Variants in MAST2 observed in about 807,000 individuals in gnomAD.
MAST2 encodes microtubule associated serine/threonine kinase 2.
A neutral mutation model predicts 147.4 loss-of-function variants in MAST2; 70 were observed. The ratio of observed to expected loss-of-function variants is 0.47; its 90% CI spans 0.39 to 0.58. The LOEUF (loss-of-function observed/expected upper bound fraction) is 0.58. Ranked by LOEUF, MAST2 falls within the 20% of genes least tolerant of loss-of-function variation. MAST2 has a pLI of 0.00. For synonymous variants in MAST2, 869 were observed against 896.8 expected (o/e 0.97, Z 0.55); for missense variants, 2,080 against 2,302.3 (o/e 0.90, Z 1.98).
chr1:45,921,884 G>A (rs956289170), intron 4 of MAST2, among the ~76,000 whole-genome samples: 5 of 152,166 alleles, frequency 3.3e-5, no homozygotes, highest in Non-Finnish European at 5.9e-5. Context: ...CCTGCCATTC[G>A]GTGGGTCCCG....
intron 4 of MAST2, among the ~76,000 whole-genome samples, chr1:45,903,062 A>G (rs892053947): frequency 1.4e-5 from 2 of 143,958 alleles, no homozygotes; most frequent in African/African-American, 5.1e-5. Context: ...TTTAGCTATG[A>G]TGTTAGGTTG....
At chr1:45,979,222 A>G (rs1644298483) in intron 5 of MAST2, among the ~76,000 whole-genome samples, 1 of 152,210 alleles carries the variant, frequency 6.6e-6, no homozygotes, top group Admixed American at 6.5e-5. Context: ...TGCTTGCTAT[A>G]TAATTATATT....
chr1:45,980,621 A>G lies in MAST2; in HGVS notation c.593-17103A>G, dbSNP rs1571048374. ...ATGATCACGGCTCATTGCAGCCTCA[A>G]CCTGCTGGGCTCAAACAGTCCTCCC... On this transcript the variant is annotated intron_variant, in intron 5 of 28. Coordinates refer to ENST00000361297, the MANE Select transcript of MAST2 (RefSeq NM_015112.3). Among the ~76,000 whole-genome samples, 3 of 152,216 alleles carry G rather than the reference A, an allele frequency of 2.0e-5. 1 individual carries two copies. The Middle Eastern group carries it at 0.01, about 518-fold the overall frequency.
intron 4 of MAST2, among the ~76,000 whole-genome samples, chr1:45,928,196 T>A (rs936956174): frequency 5.3e-5 from 8 of 152,266 alleles, no homozygotes; most frequent in African/African-American, 1.9e-4. Context: ...TTTCTTTCTC[T>A]GTCTCTCTTG....
intron 3 of MAST2, among the ~76,000 whole-genome samples, chr1:45,831,022 C>A (rs1197729912): frequency 5.0e-5 from 7 of 138,668 alleles, no homozygotes; most frequent in African/African-American, 1.7e-4. Flanking sequence ...AGAGTGAGAC[C>A]TTGTCTGGAA....
At chr1:46,013,522 A>G (rs1009562517) in intron 10 of MAST2, among the ~76,000 whole-genome samples, 1 of 152,022 alleles carries the variant, frequency 6.6e-6, no homozygotes, top group Non-Finnish European at 1.5e-5. Flanking sequence ...CTCTACTAAA[A>G]ATACAAAATT....
At chr1:45,913,882 A>G (rs1324890048) in intron 4 of MAST2, 1 of 1,247,594 alleles carries the variant, frequency 8.0e-7, no homozygotes. Flanking sequence ...CGGATTCAGT[A>G]AGGAGGTTGG....
In MAST2 at chr1:45,954,482, A is replaced by G. The variant is rs1038858540; in HGVS notation, c.501-4904A>G. On this transcript the variant is annotated intron_variant, in intron 4 of 28. Transcript: ENST00000361297. Reference sequence around the variant, plus strand: ...TGCCAAGTCTCACTCCAAGTAGCCAAGTGACTGGGATGATTTAACACCAGT... The same window carrying G: ...TGCCAAGTCTCACTCCAAGTAGCCAGGTGACTGGGATGATTTAACACCAGT... Among the ~76,000 whole-genome samples, 6 of 152,208 alleles carry G rather than the reference A, an allele frequency of 3.9e-5. No individual in the cohort carries two copies. The East Asian group carries it at 1.2e-3, about 29-fold the overall frequency.
At chr1:45,935,169 G>A (rs941910981) in intron 4 of MAST2, among the ~76,000 whole-genome samples, 3 of 152,134 alleles carry the variant, frequency 2.0e-5, no homozygotes, top group Non-Finnish European at 2.9e-5. Flanking sequence ...GGAGCATGTT[G>A]TCGTGTTTGT....
intron 4 of MAST2, among the ~76,000 whole-genome samples, chr1:45,898,652 C>T (rs1649182118): frequency 6.6e-6 from 1 of 152,160 alleles, no homozygotes; most frequent in African/African-American, 2.4e-5. Context: ...TCTCATTTGC[C>T]AGCCATGTTC....
At position 46,027,857 on chromosome 1, in the gene MAST2, C is replaced by G; in HGVS notation, c.2046C>G (p.Asp682Glu). The change falls in exon 17 of 29, where the codon GAC becomes GAG. Residue 682 changes from aspartate (D) to glutamate (E), a missense_variant. Coordinates refer to ENST00000361297, the MANE Select transcript of MAST2 (RefSeq NM_015112.3). ...AAAAGGATGCCCGGGAATTCCTGGACAAGCAGGTAAGGAAGGGTAGTTGAT... is the reference window on the plus strand; with the variant it reads ...AAAAGGATGCCCGGGAATTCCTGGAGAAGCAGGTAAGGAAGGGTAGTTGAT... Reference protein sequence around the residue: ...HIEKDAREFLDKQVCGTPEYI... With the variant: ...HIEKDAREFLEKQVCGTPEYI... The G allele has an allele frequency of 6.2e-7, 1 of 1,614,048 alleles. No individual in the cohort carries two copies. Among genetic ancestry groups the G allele is most frequent in the Non-Finnish European group, 8.5e-7 (1 of 1,179,978 alleles).
chr1:45,999,551 T>C (rs943391046), intron 6 of MAST2, among the ~76,000 whole-genome samples: 2 of 152,206 alleles, frequency 1.3e-5, no homozygotes, highest in Non-Finnish European at 2.9e-5. Flanking sequence ...CGCACTCGGC[T>C]GGGTGCTTAG....
intron 4 of MAST2, among the ~76,000 whole-genome samples, chr1:45,905,125 G>A (rs1370885851): frequency 2.7e-5 from 4 of 149,432 alleles, no homozygotes; most frequent in Non-Finnish European, 5.9e-5. Flanking sequence ...AGTTACTTTT[G>A]TTGTAGTATC....
At chr1:45,827,644 A>G (rs1046058504) in intron 2 of MAST2, among the ~76,000 whole-genome samples, 6 of 143,378 alleles carry the variant, frequency 4.2e-5, no homozygotes, top group African/African-American at 1.3e-4. Context: ...GCAGAACACC[A>G]TCATCATCAT....
intron 5 of MAST2, among the ~76,000 whole-genome samples, chr1:45,988,309 C>T (rs1370018943): frequency 6.6e-6 from 1 of 152,188 alleles, no homozygotes; most frequent in Non-Finnish European, 1.5e-5. Context: ...CCAGCACACC[C>T]AGCCTCTAAT....
In MAST2 at chr1:46,016,298, C is replaced by T. The variant is rs560809374; in HGVS notation, c.1189-3298C>T. On this transcript the variant is annotated intron_variant, in intron 10 of 28. Coordinates refer to ENST00000361297, the MANE Select transcript of MAST2 (RefSeq NM_015112.3). ...GACAGGGATGCCCTCTCTGACCACTCCTATTCAACATAGTTTTGGAAGTTC... is the reference window on the plus strand; with the variant it reads ...GACAGGGATGCCCTCTCTGACCACTTCTATTCAACATAGTTTTGGAAGTTC... Among the ~76,000 whole-genome samples the T allele has an allele frequency of 2.8e-4, 42 of 149,564 alleles. No homozygotes were observed. In the South Asian group the frequency reaches 8.9e-3, roughly 32 times the overall value.
chr1:45,919,890 G>A (rs1653177727), intron 4 of MAST2, among the ~76,000 whole-genome samples: 2 of 151,696 alleles, frequency 1.3e-5, no homozygotes, highest in South Asian at 4.1e-4. Context: ...CAAAGTGCCA[G>A]TTCATTGATA....
intron 5 of MAST2, among the ~76,000 whole-genome samples, chr1:45,991,254 T>A (rs984846129): frequency 6.6e-6 from 1 of 152,214 alleles, no homozygotes; most frequent in African/African-American, 2.4e-5. Context: ...GATTTATGTA[T>A]CTGTTCTTCC....
intron 4 of MAST2, among the ~76,000 whole-genome samples, chr1:45,899,858 A>ATT: frequency 6.7e-6 from 1 of 149,860 alleles, no homozygotes; most frequent in South Asian, 2.1e-4. Context: ...TTAAAAAAAA[A>ATT]TTTTTTTTTT....
Sources: gnomAD v4.1 joint callset for allele counts (sites outside exome capture counted in the v4.1 genomes callset) on GRCh38, gnomAD v4.1.1 for gene constraint, MANE v1.5 for transcripts, NCBI Gene and HGNC (gene_info 2026-07-23, HGNC 2026-07-21) for gene names.